The following HCN2 variants were observed in gnomAD, a reference collection of about 807,000 sequenced individuals.
The protein encoded by HCN2 is potassium/sodium hyperpolarization-activated cyclic nucleotide-gated channel 2.
A neutral mutation model predicts 52.3 loss-of-function variants in HCN2; 20 were observed. The ratio of observed to expected loss-of-function variants is 0.38; its 90% confidence interval spans 0.27 to 0.56. The LOEUF is 0.56. Ranked by LOEUF, HCN2 falls within the 20% of genes least tolerant of loss-of-function variation. The pLI, the probability that HCN2 is intolerant of heterozygous loss-of-function variation, is 0.71. For missense variants in HCN2, 981 were observed against 1,207.7 expected, an observed-to-expected ratio of 0.81 and a Z score of 2.78; for synonymous variants, 694 against 537.0, an observed-to-expected ratio of 1.29 and a Z score of -4.04.
rs780191576 is a variant in HCN2, at chr19:592,591, GGGAATGGGGTTA to G, written c.632+2016_632+2027del. Among the ~76,000 whole-genome samples the G allele has an allele frequency of 9.9e-4, 151 of 152,250 alleles. No homozygotes were observed. The highest frequency in any genetic ancestry group is 1.6e-3 in the Non-Finnish European group (108 of 67,990). On this transcript the variant is annotated intron_variant, in intron 1 of 7. Coordinates refer to ENST00000251287, the MANE Select transcript of HCN2 (RefSeq NM_001194.4). This position sits in a 1 kb window ranked among gnomAD's most constrained non-coding sequence, Gnocchi z 4.8. Reference sequence around the variant, plus strand: ...GTGTTGAAGTGGAACTGAGCAGGCAGGGAATGGGGTTAGCGGGGCCTGTCTTCGGGACTAGGG... The same window carrying G: ...GTGTTGAAGTGGAACTGAGCAGGCAGGCGGGGCCTGTCTTCGGGACTAGGG...
At chr19:601,523 G>A (rs889682244) in intron 1 of HCN2, among the ~76,000 whole-genome samples, 3 of 149,338 alleles carry the variant, frequency 2.0e-5, no homozygotes, top group African/African-American at 2.5e-5. Context: ...TGAACACAGC[G>A]GAGTGGTCGT....
At position 591,878 on chromosome 19, in the gene HCN2, C is replaced by G. The variant is rs970141162; in HGVS notation, c.632+1301C>G. Among the ~76,000 whole-genome samples the G allele has an allele frequency of 6.6e-6, 1 of 152,182 alleles. No individual in the cohort carries two copies. Among genetic ancestry groups the G allele is most frequent in the African/African-American group, 2.4e-5 (1 of 41,434 alleles). ...AACTGAGGCCTGGGGCACATGCGTCCTGGACAGAGCCTGGAGGAAGGCCCT... is the reference window on the plus strand; with the variant it reads ...AACTGAGGCCTGGGGCACATGCGTCGTGGACAGAGCCTGGAGGAAGGCCCT... On this transcript the variant is annotated intron_variant, in intron 1 of 7. Coordinates refer to ENST00000251287, the MANE Select transcript of HCN2 (RefSeq NM_001194.4). This position sits in a 1 kb window ranked among gnomAD's most constrained non-coding sequence, Gnocchi z 4.1.
chr19:610,548 C>G, intron 5 of HCN2, 143 bp downstream of exon 5: 4 of 679,594 alleles, frequency 5.9e-6, no homozygotes, highest in Non-Finnish European at 1.0e-5. Flanking sequence ...GCGTACACAC[C>G]CTCCCCTCCC....
rs951275764 is a variant in HCN2 at position 592,961 on chromosome 19, C to T, written c.632+2384C>T. 2.0e-5 allele frequency among the ~76,000 whole-genome samples: 3 copies of T among 152,104 alleles called. No individual in the cohort carries two copies. Among genetic ancestry groups the T allele is most frequent in the East Asian group, 1.9e-4 (1 of 5,184 alleles). On this transcript the variant is annotated intron_variant, in intron 1 of 7. Coordinates refer to ENST00000251287, the MANE Select transcript of HCN2 (RefSeq NM_001194.4). This position sits in a 1 kb window ranked among gnomAD's most constrained non-coding sequence, Gnocchi z 4.8. Reference sequence around the variant, plus strand: ...CTCTGCCTCAGTTTCCCCAATTGCACGGTGGGGATGGTATGAGGGAGAAGG... The same window carrying T: ...CTCTGCCTCAGTTTCCCCAATTGCATGGTGGGGATGGTATGAGGGAGAAGG...
intron 5 of HCN2, among the ~76,000 whole-genome samples, chr19:612,042 G>A (rs1482643329): frequency 1.3e-5 from 2 of 152,114 alleles, no homozygotes. Flanking sequence ...CTACTCTGGA[G>A]GCTGAGACAG....
chr19:616,517 G>T lies in HCN2; in HGVS notation c.*43G>T. On this transcript the variant is annotated 3_prime_UTR_variant, in exon 8 of 8. Coordinates refer to ENST00000251287, the MANE Select transcript of HCN2 (RefSeq NM_001194.4). ...GCGGGCCCAGGCGGGCCGGGGGCGG[G>T]GCCGTCATCCAGACCAAAGCCATGC... 8.7e-7 allele frequency: 1 copy of T among 1,154,154 alleles called. No homozygotes were observed. Among genetic ancestry groups the T allele is most frequent in the Non-Finnish European group, 1.1e-6 (1 of 925,414 alleles). The allele number at this position is 1,154,154 out of a possible 1,614,324, so 71.5% of individuals were successfully genotyped here. A position where few individuals can be genotyped will look rare whatever the true frequency, so the allele number is the denominator to read the frequency against.
rs1293848659 is a variant in HCN2 at position 616,880 on chromosome 19, C to T, written c.*406C>T. On this transcript the variant is annotated 3_prime_UTR_variant, in exon 8 of 8. Coordinates refer to ENST00000251287, the MANE Select transcript of HCN2 (RefSeq NM_001194.4). Reference sequence around the variant, plus strand: ...CGTTTTCTAAGTGCAATACTTGGCCCGCCGGCTTCCCGCTGCCCCCATCGC... The same window carrying T: ...CGTTTTCTAAGTGCAATACTTGGCCTGCCGGCTTCCCGCTGCCCCCATCGC... The T allele has an allele frequency of 7.8e-6, 2 of 257,808 alleles. No individual in the cohort carries two copies. The highest frequency in any genetic ancestry group is 2.3e-5 in the African/African-American group (1 of 42,674). The allele number at this position is 257,808 out of a possible 1,614,324, so 16.0% of individuals were successfully genotyped here.
At chr19:607,152 CAA>C (rs71174303) in intron 3 of HCN2, among the ~76,000 whole-genome samples, 4,691 of 152,346 alleles carry the variant, frequency 0.031, 171 homozygotes, top group African/African-American at 0.091. Flanking sequence ...GCCTGGGCGA[CAA>C]GAGCGAAACT....
chr19:603,531 C>T lies in HCN2; in HGVS notation c.633-13C>T, dbSNP rs774535275. Reference sequence around the variant, plus strand: ...GAGGCACCGGCCTGAGGTGTGGGCACCCTCGCCCCCAGGTTCTACTGGGAC... The same window carrying T: ...GAGGCACCGGCCTGAGGTGTGGGCATCCTCGCCCCCAGGTTCTACTGGGAC... On this transcript the variant is annotated splice_polypyrimidine_tract_variant and intron_variant, in intron 1 of 7. Coordinates refer to ENST00000251287, the MANE Select transcript of HCN2 (RefSeq NM_001194.4). 1.3e-6 allele frequency: 2 copies of T among 1,594,484 alleles called. No individual in the cohort carries two copies. Among genetic ancestry groups the T allele is most frequent in the East Asian group, 2.2e-5 (1 of 44,588 alleles).
intron 5 of HCN2, among the ~76,000 whole-genome samples, chr19:610,916 C>G (rs541668297): frequency 1.3e-5 from 2 of 152,164 alleles, no homozygotes; most frequent in Non-Finnish European, 2.9e-5. Flanking sequence ...GCCGTGCTAC[C>G]CCCCCGGAGC....
Position 590,100 on chromosome 19 carries a change from C to A in HCN2, c.155C>A (p.Pro52His). 2.5e-6 allele frequency: 2 copies of A among 786,870 alleles called. No individual in the cohort carries two copies. The highest frequency in any genetic ancestry group is 3.1e-6 in the Non-Finnish European group (2 of 654,470). The allele number at this position is 786,870 out of a possible 1,614,324, so 48.7% of individuals were successfully genotyped here. ...CCCCCGGGCCCCGGGCCCGCGCCCC[C>A]CCAGCACCCGCCCCGGGCCGAGGCG... ...APPPGPGPAPPQHPPRAEALP... is the reference protein window; with the variant it reads ...APPPGPGPAPHQHPPRAEALP... The change falls in exon 1 of 8, where the codon CCC becomes CAC. Residue 52 changes from proline (P) to histidine (H), a missense_variant. This residue lies in a region of HCN2 where 215 missense variants were observed against 179.4 expected (regional missense o/e 1.20). Transcript: ENST00000251287. The surrounding 1 kb of genome is among the most constrained non-coding windows in gnomAD (Gnocchi z 7.2).
rs1185705532 is a variant in HCN2 at position 610,314 on chromosome 19, A to G, written c.1493A>G (p.Gln498Arg). 1 of 1,613,850 alleles carries G rather than the reference A, an allele frequency of 6.2e-7. No individual in the cohort carries two copies. Among genetic ancestry groups the G allele is most frequent in the Admixed American group, 1.7e-5 (1 of 60,018 alleles). ...CACAAGCTGCCAGCTGACTTCCGCCAGAAGATCCACGACTACTATGAGCAC... is the reference window on the plus strand; with the variant it reads ...CACAAGCTGCCAGCTGACTTCCGCCGGAAGATCCACGACTACTATGAGCAC... Reference protein sequence around the residue: ...SFHKLPADFRQKIHDYYEHRY... With the variant: ...SFHKLPADFRRKIHDYYEHRY... Residue 498 changes from glutamine (Q) to arginine (R), a missense_variant, in exon 5 of 8, where the codon CAG becomes CGG. Gln to Arg is a conservative substitution (Grantham distance 43, BLOSUM62 1). Coordinates refer to ENST00000251287, the MANE Select transcript of HCN2 (RefSeq NM_001194.4).
chr19:607,073 A>G (rs142810549), intron 3 of HCN2, among the ~76,000 whole-genome samples: 13,630 of 140,404 alleles, frequency 0.097, 906 homozygotes, highest in Admixed American at 0.21. Context: ...TTGAGAGGCC[A>G]AGGCAGGAGA....
Position 613,936 on chromosome 19 carries a change from A to G in HCN2, c.1910A>G (p.Asn637Ser), listed in dbSNP as rs528508156. Residue 637 changes from asparagine (N) to serine (S), a missense_variant, in exon 7 of 8, where the codon AAC becomes AGC. Physicochemically the swap from Asn to Ser is conservative, Grantham distance 46. Coordinates refer to ENST00000251287, the MANE Select transcript of HCN2 (RefSeq NM_001194.4). ...CGCCTCTATTCGCTGAGCGTGGACAACTTCAACGAGGTGCTGGAGGAGTAC... is the reference window on the plus strand; with the variant it reads ...CGCCTCTATTCGCTGAGCGTGGACAGCTTCAACGAGGTGCTGGAGGAGTAC... Reference protein sequence around the residue: ...YCRLYSLSVDNFNEVLEEYPM... With the variant: ...YCRLYSLSVDSFNEVLEEYPM... 9 of 1,549,708 alleles carry G rather than the reference A, an allele frequency of 5.8e-6. No individual in the cohort carries two copies. The South Asian group carries it at 1.0e-4, about 17-fold the overall frequency.
intron 1 of HCN2, among the ~76,000 whole-genome samples, chr19:597,475 T>TGGTTTCTAGGTCTCCTTGGC (rs1314656685): frequency 2.0e-5 from 3 of 151,852 alleles, no homozygotes; most frequent in Admixed American, 6.5e-5. Flanking sequence ...GTCCTCCTGG[T>TGGTTTCTAGGTCTCCTTGGC]GGTTTCTAGG....
intron 1 of HCN2, among the ~76,000 whole-genome samples, chr19:593,733 C>T (rs961772306): frequency 2.6e-5 from 4 of 152,190 alleles, no homozygotes; most frequent in Admixed American, 6.5e-5. Flanking sequence ...GCATGCTGGG[C>T]GCTTCCCTGG....
At position 616,001 on chromosome 19, in the gene HCN2, G is replaced by A. The variant is rs1026463988; in HGVS notation, c.2197G>A (p.Ala733Thr). ...CTCGGCCATCGCCACGCTGCAGCAG[G>A]CGGCGGCCATGAGCTTCTGCCCGCA... The part of the protein sequence containing the change: ...VTSAIATLQQ[A>T]AAMSFCPQVA... Residue 733 changes from alanine to threonine, a missense_variant, in exon 8 of 8, where the codon GCG (alanine) becomes ACG (threonine). Ala to Thr is a moderately conservative substitution (Grantham distance 58). Coordinates refer to ENST00000251287, the MANE Select transcript of HCN2 (RefSeq NM_001194.4). 3 of 1,553,258 alleles carry A rather than the reference G, an allele frequency of 1.9e-6. No individual in the cohort carries two copies. Among genetic ancestry groups the A allele is most frequent in the Admixed American group, 1.9e-5 (1 of 51,608 alleles).
intron 6 of HCN2, 78 bp from the exon 7 acceptor site, chr19:613,774 G>A: frequency 1.4e-6 from 2 of 1,387,594 alleles, no homozygotes; most frequent in Non-Finnish European, 9.3e-7. Context: ...AAGGTGCAGA[G>A]GCCGGGCCGT....
At position 616,496 on chromosome 19, in the gene HCN2, G is replaced by A. The variant is rs913465932; in HGVS notation, c.*22G>A. ...GTGACCCTCGCCGACCGCCCCGCGG[G>A]CCCAGGCGGGCCGGGGGCGGGGCCG... On this transcript the variant is annotated 3_prime_UTR_variant, in exon 8 of 8. Coordinates refer to ENST00000251287, the MANE Select transcript of HCN2 (RefSeq NM_001194.4). 2.5e-6 allele frequency: 3 copies of A among 1,204,574 alleles called. No individual in the cohort carries two copies. The highest frequency in any genetic ancestry group is 2.5e-5 in the South Asian group (1 of 40,494). The allele number at this position is 1,204,574 out of a possible 1,614,324, so 74.6% of individuals were successfully genotyped here.
Sources: gnomAD v4.1 joint callset for allele counts (sites outside exome capture counted in the v4.1 genomes callset) on GRCh38, gnomAD v4.1.1 for gene constraint, gnomAD v4.1.1 regional missense constraint, Gnocchi (gnomAD v3.1) non-coding constraint, MANE v1.5 for transcripts, NCBI Gene and HGNC (gene_info 2026-07-23, HGNC 2026-07-21) for gene names.